DMD: variants seen among roughly 807,000 people sequenced by gnomAD.
DMD encodes the protein mutant dystrophin.
Under a neutral mutation model 330.1 loss-of-function variants are expected in DMD, and 63 were observed. The observed-to-expected ratio is 0.19, with a 90% CI of 0.16 to 0.24. DMD has a LOEUF of 0.24. Among genes scored for constraint, DMD ranks in the 10% least tolerant of loss-of-function variants. DMD has a pLI of 1.00. For synonymous variants in DMD, 1,223 were observed against 959.8 expected (o/e 1.27, Z -5.07); for missense variants, 3,344 against 2,684.1 (o/e 1.25, Z -5.43).
In DMD at chrX:32,365,212, G is replaced by A. The variant is rs751141075; in HGVS notation, c.4846-13C>T. 1 of 1,207,763 alleles carries A rather than the reference G, an allele frequency of 8.3e-7. No homozygotes were observed. The highest frequency in any genetic ancestry group is 1.1e-6 in the Non-Finnish European group (1 of 892,637). The stretch of plus-strand genomic sequence containing the variant: ...CTTTTTGAGTAGCCTGTGAAAAGGA[G>A]AGCATTGACCTTCAAGTAATGTCTT... On this transcript the variant is annotated splice_polypyrimidine_tract_variant and intron_variant, in intron 34 of 78. Transcript: ENST00000357033.
intron 1 of DMD, among the ~76,000 whole-genome samples, chrX:33,238,524 A>C (rs1214177923): frequency 3.6e-5 from 4 of 110,842 alleles, no homozygotes; most frequent in Non-Finnish European, 7.6e-5. Context: ...GTGTGTGTTA[A>C]TGTGTGTGTC....
In DMD at chrX:32,844,894, G is replaced by C. The variant is rs376216937; in HGVS notation, c.187-34C>G. ...AAAACAAAAGAGTGTTCACTGACCA[G>C]CAGAGAGACCGACAATCTACTAGAA... On this transcript the variant is annotated intron_variant, in intron 3 of 78. Transcript: ENST00000357033. 11 of 1,083,642 alleles carry C rather than the reference G, an allele frequency of 1.0e-5. No homozygotes were observed. In the Admixed American group the frequency reaches 2.4e-4, roughly 24 times the overall value. 89.3% of individuals were successfully genotyped at this position (1,083,642 alleles called of 1,213,427 possible).
intron 29 of DMD, among the ~76,000 whole-genome samples, chrX:32,420,919 A>G (rs1291649766): frequency 9.0e-6 from 1 of 111,441 alleles, no homozygotes; most frequent in Non-Finnish European, 1.9e-5. Context: ...ACTGTGATGT[A>G]GGCTCATAAT....
chrX:31,169,521 G>A lies in DMD; in HGVS notation c.10475C>T (p.Ala3492Val), dbSNP rs2039774849. ...DSPLSQPRSP[A>V]QILISLESEE... ...ACTCTCTAAGGAAATCAAGATCTGG[G>A]CAGGACTACGAGGCTGGCTCAGGGG... The change falls in exon 74 of 79, where the codon GCC (alanine) becomes GTC (valine). Residue 3492 changes from alanine to valine, a missense_variant. Transcript: ENST00000357033. 1.7e-6 allele frequency: 2 copies of A among 1,200,916 alleles called. No individual in the cohort carries two copies.
At chrX:31,518,099 G>A (rs1180218465) in intron 55 of DMD, among the ~76,000 whole-genome samples, 1 of 111,185 alleles carries the variant, frequency 9.0e-6, no homozygotes, top group Admixed American at 9.6e-5. Flanking sequence ...CTATATGGGT[G>A]CCAGTTCTAA....
intron 37 of DMD, among the ~76,000 whole-genome samples, chrX:32,349,395 T>C (rs2097774410): frequency 9.0e-6 from 1 of 111,632 alleles, no homozygotes; most frequent in Admixed American, 9.5e-5. Context: ...ACATATTTTA[T>C]ATGGGATAGC....
chrX:32,573,523 T>C lies in DMD; in HGVS notation c.1812+7A>G, dbSNP rs1407742966. 1 of 1,199,946 alleles carries C rather than the reference T, an allele frequency of 8.3e-7. No homozygotes were observed. On this transcript the variant is annotated splice_region_variant and intron_variant, in intron 15 of 78. Coordinates refer to ENST00000357033, the MANE Select transcript of DMD (RefSeq NM_004006.3). ...TATAAGACCATTGAAAGCTAGAAAG[T>C]ACATACGGCCAGTTTTTGAAGACTT...
At chrX:31,577,207 A>G (rs2076147126) in intron 55 of DMD, among the ~76,000 whole-genome samples, 1 of 112,584 alleles carries the variant, frequency 8.9e-6, no homozygotes, top group African/African-American at 3.2e-5. Context: ...CAACCATATA[A>G]TATCTTTGTA....
intron 41 of DMD, among the ~76,000 whole-genome samples, chrX:32,311,863 A>G (rs2097563786): frequency 8.9e-6 from 1 of 111,890 alleles, no homozygotes; most frequent in Non-Finnish European, 1.9e-5. Context: ...AGCACAAGTA[A>G]CACAAGCTTG....
intron 43 of DMD, among the ~76,000 whole-genome samples, chrX:32,254,802 A>G (rs1485798773): frequency 2.7e-5 from 3 of 112,169 alleles, no homozygotes; most frequent in Non-Finnish European, 5.6e-5. Flanking sequence ...ACAGATTTAT[A>G]TCAGCAATTT....
chrX:32,392,824 C>G (rs2098013653), intron 30 of DMD, among the ~76,000 whole-genome samples: 2 of 112,555 alleles, frequency 1.8e-5, no homozygotes, highest in South Asian at 7.3e-4. Flanking sequence ...ATATTATGCT[C>G]TGAGAAAGCT....
At chrX:32,454,429 A>G (rs1166702625) in intron 26 of DMD, among the ~76,000 whole-genome samples, 1 of 111,093 alleles carries the variant, frequency 9.0e-6, no homozygotes, top group African/African-American at 3.3e-5. Flanking sequence ...AAATTGTTTC[A>G]AATTGTGATT....
At position 32,096,871 on chromosome X, in the gene DMD, A is replaced by G. The variant is rs980016642; in HGVS notation, c.6438+120045T>C. On this transcript the variant is annotated intron_variant, in intron 44 of 78. Coordinates refer to ENST00000357033, the MANE Select transcript of DMD (RefSeq NM_004006.3). ...CAAACTCCTCTGCTCTGCAGATGCC[A>G]TATGTAATGCAGATTTGCATATTTC... Among the ~76,000 whole-genome samples the G allele has an allele frequency of 1.2e-4, 13 of 112,019 alleles. No homozygotes were observed. In the Admixed American group the frequency reaches 1.2e-3, roughly 11 times the overall value.
chrX:32,750,969 C>T (rs997640175), intron 7 of DMD, among the ~76,000 whole-genome samples: 2 of 111,967 alleles, frequency 1.8e-5, no homozygotes, highest in Non-Finnish European at 1.9e-5. Flanking sequence ...CCATGTAAGA[C>T]GTGACTTGCT....
At chrX:32,526,436 T>G (rs1482916996) in intron 17 of DMD, among the ~76,000 whole-genome samples, 1 of 110,874 alleles carries the variant, frequency 9.0e-6, no homozygotes, top group South Asian at 3.8e-4. Context: ...TTTTTTTTTC[T>G]TGGCAAAAGT....
intron 61 of DMD, among the ~76,000 whole-genome samples, chrX:31,344,168 T>G (rs2057950058): frequency 9.1e-6 from 1 of 110,482 alleles, no homozygotes; most frequent in African/African-American, 3.3e-5. Context: ...ACGGTTTGGA[T>G]GGCACACCCA....
chrX:32,869,616 A>T (rs1358215172), intron 2 of DMD, among the ~76,000 whole-genome samples: 1 of 109,118 alleles, frequency 9.2e-6, no homozygotes, highest in Non-Finnish European at 1.9e-5. Context: ...AAGTATCAAT[A>T]ACCAAATAGA....
chrX:31,757,476 T>C (rs997116828), intron 51 of DMD, among the ~76,000 whole-genome samples: 2 of 111,689 alleles, frequency 1.8e-5, no homozygotes, highest in Non-Finnish European at 3.8e-5. Context: ...CTAAATACCT[T>C]AGACTGGGTA....
chrX:31,442,278 G>T (rs1112433), intron 60 of DMD, among the ~76,000 whole-genome samples: 12,042 of 111,253 alleles, frequency 0.11, 568 homozygotes, highest in East Asian at 0.29. Flanking sequence ...TTAAAAATGA[G>T]GAGAATTAAA....
Sources: gnomAD v4.1 joint callset for allele counts (sites outside exome capture counted in the v4.1 genomes callset) on GRCh38, gnomAD v4.1.1 for gene constraint, MANE v1.5 for transcripts, NCBI Gene and HGNC (gene_info 2026-07-23, HGNC 2026-07-21) for gene names.